Variants in HLCS observed in about 807,000 individuals in gnomAD.
HLCS encodes holocarboxylase synthetase.
HLCS carries 53 observed loss-of-function variants against 75.0 expected under a neutral mutation model. The observed-to-expected ratio is 0.71, with a 90% CI of 0.57 to 0.89. The LOEUF (loss-of-function observed/expected upper bound fraction) is 0.89. Ranked by LOEUF, HLCS falls within the 40% of genes least tolerant of loss-of-function variation. The pLI is 0.00. For synonymous variants in HLCS, 431 were observed against 428.6 expected (o/e 1.01, Z -0.07); for missense variants, 966 against 1,074.0 (o/e 0.90, Z 1.41).
chr21:36,830,654 T>C (rs777804539), intron 6 of HLCS, among the ~76,000 whole-genome samples: 3 of 151,810 alleles, frequency 2.0e-5, no homozygotes, highest in Non-Finnish European at 4.4e-5. Flanking sequence ...GGCAACATGA[T>C]GAAACCCGAA....
rs1331057792 is a variant in HLCS, at chr21:36,750,864, G to T, written c.*3382C>A. 6.6e-6 allele frequency: 1 copy of T among 151,658 alleles called. No homozygotes were observed. Among genetic ancestry groups the T allele is most frequent in the Non-Finnish European group, 1.5e-5 (1 of 67,916 alleles). The allele number at this position is 151,658 out of a possible 1,614,324, so 9.4% of individuals were successfully genotyped here. On this transcript the variant is annotated 3_prime_UTR_variant, in exon 11 of 11. Transcript: ENST00000674895. ...GTCAAGAAGTTTCCACAAAAGAAAA[G>T]AAAAATCCTAAAAACAATCTAGCTG...
At position 36,937,374 on chromosome 21, in the gene HLCS, G is replaced by A. The variant is rs1569219131; in HGVS notation, c.512C>T (p.Ser171Phe). 2 of 1,613,568 alleles carry A rather than the reference G, an allele frequency of 1.2e-6. No individual in the cohort carries two copies. The highest frequency in any genetic ancestry group is 1.7e-6 in the Non-Finnish European group (2 of 1,180,030). Residue 171 changes from serine (S) to phenylalanine (F), a missense_variant, in exon 4 of 11, where the codon TCC becomes TTC. Physicochemically the swap from Ser to Phe is radical, Grantham distance 155. Transcript: ENST00000674895. ...QKIVSVHLQD[S>F]TLKEVKDQVS... ...CTGATCCTTAACTTCCTTCAGAGTG[G>A]AGTCCTGCAAGTGCACCGCTAAGGC...
At chr21:36,863,430 G>T (rs1216301919) in intron 6 of HLCS, among the ~76,000 whole-genome samples, 1 of 152,126 alleles carries the variant, frequency 6.6e-6, no homozygotes, top group Non-Finnish European at 1.5e-5. Flanking sequence ...TCAGGAAATA[G>T]CAGGTGTTTA....
chr21:36,969,428 T>C (rs1217923358), upstream of HLCS, among the ~76,000 whole-genome samples: 19 of 152,256 alleles, frequency 1.2e-4, no homozygotes, highest in Middle Eastern at 3.4e-3. Flanking sequence ...AATCAGCGTC[T>C]GCATTTTGAC....
At chr21:36,874,463 G>A (rs141322613) in intron 6 of HLCS, among the ~76,000 whole-genome samples, 2,955 of 152,030 alleles carry the variant, frequency 0.019, 49 homozygotes, top group Middle Eastern at 0.041. Context: ...ATAAGGTGCA[G>A]ATCTATTTCC....
chr21:36,847,304 CT>C (rs775719993), intron 6 of HLCS, among the ~76,000 whole-genome samples: 3 of 152,140 alleles, frequency 2.0e-5, no homozygotes, highest in Non-Finnish European at 4.4e-5. Flanking sequence ...GGTATAAACA[CT>C]GATCAATAAA....
intron 1 of HLCS, among the ~76,000 whole-genome samples, chr21:36,978,719 A>G (rs186380173): frequency 6.6e-6 from 1 of 152,166 alleles, no homozygotes; most frequent in Non-Finnish European, 1.5e-5. Context: ...GAGACCCTTA[A>G]AGAGACCCTG....
chr21:36,764,334 T>C (rs954084927), intron 8 of HLCS, among the ~76,000 whole-genome samples: 4 of 152,138 alleles, frequency 2.6e-5, no homozygotes, highest in African/African-American at 9.7e-5. Flanking sequence ...GAGGCGGAGA[T>C]TGCAGTGAGC....
chr21:36,834,742 G>C (rs1342082411), intron 6 of HLCS, among the ~76,000 whole-genome samples: 3 of 152,182 alleles, frequency 2.0e-5, no homozygotes, highest in African/African-American at 7.2e-5. Flanking sequence ...TTTTAGTAGA[G>C]ATGGGGTTTC....
In HLCS at chr21:36,856,594, A is replaced by G. The variant is rs147490233; in HGVS notation, c.1892+40266T>C. Among the ~76,000 whole-genome samples, 284 of 152,274 alleles carry G rather than the reference A, an allele frequency of 1.9e-3. 2 individuals are homozygous for G. The highest frequency in any genetic ancestry group is 6.4e-3 in the African/African-American group (264 of 41,552). On this transcript the variant is annotated intron_variant, in intron 6 of 10. Transcript: ENST00000674895. ...ACCCTCCAGACCCAATTAACACACT[A>G]AGAAAGCATAAAAACATAAACTGTT...
At chr21:36,945,657 G>A (rs550350191) in intron 2 of HLCS, among the ~76,000 whole-genome samples, 12 of 152,328 alleles carry the variant, frequency 7.9e-5, no homozygotes, top group African/African-American at 2.9e-4. Flanking sequence ...GAGCTGAGGT[G>A]TCAGGGAGCA....
At chr21:36,919,773 C>T (rs1485142033) in intron 5 of HLCS, among the ~76,000 whole-genome samples, 1 of 152,122 alleles carries the variant, frequency 6.6e-6, no homozygotes, top group Non-Finnish European at 1.5e-5. Context: ...GATAGCAAAA[C>T]ATTATTTCAT....
chr21:36,889,965 G>A (rs938640396), intron 6 of HLCS, among the ~76,000 whole-genome samples: 1 of 152,184 alleles, frequency 6.6e-6, no homozygotes, highest in Non-Finnish European at 1.5e-5. Context: ...CCAAGGGAGA[G>A]ACTGGGTGGA....
In HLCS at chr21:36,948,060, G is replaced by A. The variant is rs545275737; in HGVS notation, c.331-9066C>T. ...TAATCCCAGCACTTTGGGAGGCCGA[G>A]ACAGGTGGATCACGAGGTCAGGAGT... On this transcript the variant is annotated intron_variant, in intron 2 of 10. Transcript: ENST00000674895. The A allele has an allele frequency of 1.0e-5, 8 of 776,668 alleles. No individual in the cohort carries two copies. The African/African-American group carries it at 1.5e-4, about 15-fold the overall frequency. 48.1% of individuals were successfully genotyped at this position (776,668 alleles called of 1,614,324 possible).
At chr21:36,748,625 G>A (rs1287069376), downstream of HLCS, 1 of 152,278 alleles carries the variant, frequency 6.6e-6, no homozygotes, top group East Asian at 1.9e-4. Context: ...TCATTCAAGA[G>A]TCTCATTATT....
intron 1 of HLCS, chr21:36,974,996 A>G (rs1374294355): frequency 2.6e-5 from 4 of 151,882 alleles, no homozygotes; most frequent in Non-Finnish European, 5.9e-5. Context: ...GGCCTCCTCT[A>G]TGTTCTCTTC....
chr21:36,980,488 AT>A (rs1209330140), intron 1 of HLCS: 1 of 152,166 alleles, frequency 6.6e-6, no homozygotes, highest in Non-Finnish European at 1.5e-5. Flanking sequence ...CCCCTGGGGA[AT>A]AAAAAGCAGG....
At chr21:36,767,172 G>T in intron 7 of HLCS, 46 bp downstream of exon 7, 1 of 1,584,804 alleles carries the variant, frequency 6.3e-7, no homozygotes, top group South Asian at 1.1e-5. Context: ...GAGTTGCAGA[G>T]TTTAGAAAAC....
chr21:36,842,839 C>A lies in HLCS; in HGVS notation c.1892+54021G>T, dbSNP rs910822955. Among the ~76,000 whole-genome samples, 3 of 152,142 alleles carry A rather than the reference C, an allele frequency of 2.0e-5. No homozygotes were observed. Among genetic ancestry groups the A allele is most frequent in the Admixed American group, 2.0e-4 (3 of 15,272 alleles). On this transcript the variant is annotated intron_variant, in intron 6 of 10. Transcript: ENST00000674895. The surrounding 1 kb of genome is among the most constrained non-coding windows in gnomAD (Gnocchi z 4.2). Reference sequence around the variant, plus strand: ...TAGCCCACACCACCCTACTCTGAGGCCCTGAAAAATTCTGCAGACCTACGT... The same window carrying A: ...TAGCCCACACCACCCTACTCTGAGGACCTGAAAAATTCTGCAGACCTACGT...
Sources: gnomAD v4.1 joint callset for allele counts (sites outside exome capture counted in the v4.1 genomes callset) on GRCh38, gnomAD v4.1.1 for gene constraint, Gnocchi (gnomAD v3.1) non-coding constraint, MANE v1.5 for transcripts, NCBI Gene and HGNC (gene_info 2026-07-23, HGNC 2026-07-21) for gene names.